COX10: variants seen among roughly 807,000 people sequenced by gnomAD.
The protein encoded by COX10 is protoheme IX farnesyltransferase, mitochondrial.
A neutral mutation model predicts 37.3 loss-of-function variants in COX10; 27 were observed. The observed-to-expected ratio is 0.72, with a 90% confidence interval of 0.53 to 1.00. The LOEUF (loss-of-function observed/expected upper bound fraction) is 1.00, where lower values mean the gene tolerates loss of function less well. COX10 is among the 50% of genes least tolerant of loss of function. The pLI is 0.00. For missense variants in COX10, 475 were observed against 563.2 expected (o/e 0.84, Z 1.59); for synonymous variants, 222 against 229.1 (o/e 0.97, Z 0.28).
intron 4 of COX10, among the ~76,000 whole-genome samples, chr17:14,108,956 A>G (rs1915956324): frequency 6.6e-6 from 1 of 152,188 alleles, no homozygotes; most frequent in African/African-American, 2.4e-5. Flanking sequence ...TTCTAGGAGA[A>G]TAAGACTTAT....
intron 1 of COX10, among the ~76,000 whole-genome samples, chr17:14,070,210 G>C (rs575795592): frequency 2.0e-5 from 3 of 152,170 alleles, no homozygotes; most frequent in Non-Finnish European, 2.9e-5. Flanking sequence ...GAGCTGGAAT[G>C]TTCTTCCTTG....
intron 4 of COX10, among the ~76,000 whole-genome samples, chr17:14,150,847 C>A (rs1904874223): frequency 6.6e-6 from 1 of 152,092 alleles, no homozygotes; most frequent in African/African-American, 2.4e-5. Flanking sequence ...GGACAGCTGC[C>A]CAAATTCTGT....
intron 6 of COX10, among the ~76,000 whole-genome samples, chr17:14,193,216 G>A (rs1254407316): frequency 6.6e-6 from 1 of 152,232 alleles, no homozygotes; most frequent in African/African-American, 2.4e-5. Context: ...CGGCGGCGCT[G>A]CCTGGATGGG....
At chr17:14,099,194 G>T (rs970015775) in intron 3 of COX10, among the ~76,000 whole-genome samples, 4 of 152,108 alleles carry the variant, frequency 2.6e-5, no homozygotes, top group African/African-American at 9.7e-5. Context: ...TCCCCCAGGA[G>T]ATTCAGATGC....
chr17:14,179,417 G>A (rs1905788413), intron 5 of COX10: 1 of 160,838 alleles, frequency 6.2e-6, no homozygotes, highest in Admixed American at 6.5e-5. Context: ...TTCCTCAAGA[G>A]TGTATTGATC....
chr17:14,086,406 C>T (rs1915410698), intron 3 of COX10, among the ~76,000 whole-genome samples: 1 of 152,048 alleles, frequency 6.6e-6, no homozygotes, highest in East Asian at 1.9e-4. Context: ...ATGTTCTATT[C>T]ACAAAGAGTT....
chr17:14,191,058 C>A (rs1202663814), intron 5 of COX10, among the ~76,000 whole-genome samples: 1 of 152,018 alleles, frequency 6.6e-6, no homozygotes, highest in Non-Finnish European at 1.5e-5. Flanking sequence ...ATTATGGCTT[C>A]TGCTAGGAGA....
At chr17:14,154,074 C>T (rs145157286) in intron 4 of COX10, among the ~76,000 whole-genome samples, 1 of 152,220 alleles carries the variant, frequency 6.6e-6, no homozygotes, top group East Asian at 1.9e-4. Flanking sequence ...TGCAAGTACT[C>T]TAGGGACACA....
intron 4 of COX10, 115 bp downstream of exon 4, chr17:14,102,357 C>T (rs1050787183): frequency 4.1e-6 from 6 of 1,462,062 alleles, no homozygotes; most frequent in Non-Finnish European, 4.7e-6. Flanking sequence ...GCATTTGTAA[C>T]ACTATATATC....
intron 4 of COX10, among the ~76,000 whole-genome samples, chr17:14,115,605 C>T (rs934613419): frequency 3.9e-5 from 6 of 152,030 alleles, no homozygotes; most frequent in African/African-American, 1.2e-4. Context: ...GCCCTACCAC[C>T]GTAGCAAAGA....
intron 3 of COX10, among the ~76,000 whole-genome samples, chr17:14,085,125 G>A (rs1360020138): frequency 2.0e-5 from 3 of 151,946 alleles, no homozygotes; most frequent in Non-Finnish European, 2.9e-5. Context: ...AAGTCTCTAA[G>A]CCTTGGTTTA....
At chr17:14,194,145 T>C (rs1353073943) in intron 6 of COX10, among the ~76,000 whole-genome samples, 1 of 151,894 alleles carries the variant, frequency 6.6e-6, no homozygotes, top group Non-Finnish European at 1.5e-5. Context: ...AGGAGACTGG[T>C]ATGGGCAGTT....
At chr17:14,188,476 TA>T (rs57991104) in intron 5 of COX10, among the ~76,000 whole-genome samples, 221 of 148,988 alleles carry the variant, frequency 1.5e-3, no homozygotes, top group East Asian at 7.8e-3. Flanking sequence ...AGATAAAAAT[TA>T]AAAAAAAAAA....
intron 6 of COX10, among the ~76,000 whole-genome samples, chr17:14,206,124 G>C (rs1906690870): frequency 6.6e-6 from 1 of 152,110 alleles, no homozygotes; most frequent in Admixed American, 6.5e-5. Flanking sequence ...TTGTGCCCTG[G>C]AAGCCCTGGT....
At chr17:14,144,706 T>C (rs1904657006) in intron 4 of COX10, among the ~76,000 whole-genome samples, 1 of 152,190 alleles carries the variant, frequency 6.6e-6, no homozygotes, top group Admixed American at 6.6e-5. Flanking sequence ...TCCTTTGAGC[T>C]TATTTGGAGA....
At chr17:14,091,913 A>T (rs549507970) in intron 3 of COX10, among the ~76,000 whole-genome samples, 7 of 152,102 alleles carry the variant, frequency 4.6e-5, no homozygotes, top group Non-Finnish European at 1.0e-4. Flanking sequence ...TGCCAAACTC[A>T]GTTTTGAAAC....
At chr17:14,123,640 A>T (rs931806358) in intron 4 of COX10, among the ~76,000 whole-genome samples, 1 of 152,202 alleles carries the variant, frequency 6.6e-6, no homozygotes, top group Non-Finnish European at 1.5e-5. Flanking sequence ...TTATTTCTGT[A>T]GTCTCTTTAA....
intron 5 of COX10, among the ~76,000 whole-genome samples, chr17:14,172,525 A>G (rs1344794678): frequency 6.7e-6 from 1 of 149,352 alleles, no homozygotes; most frequent in African/African-American, 2.5e-5. Context: ...AGTGATGTTG[A>G]GCATTTTCTC....
intron 3 of COX10, among the ~76,000 whole-genome samples, chr17:14,077,969 G>A (rs1915194139): frequency 6.8e-6 from 1 of 147,202 alleles, no homozygotes; most frequent in Non-Finnish European, 1.5e-5. Context: ...TGAAATTCAA[G>A]GCAAAAGGAG....
Sources: gnomAD v4.1 joint callset for allele counts (sites outside exome capture counted in the v4.1 genomes callset) on GRCh38, gnomAD v4.1.1 for gene constraint, MANE v1.5 for transcripts, NCBI Gene and HGNC (gene_info 2026-07-23, HGNC 2026-07-21) for gene names.